FER: variants seen among roughly 807,000 people sequenced by gnomAD.
FER encodes FER tyrosine kinase, also known as tyrosine-protein kinase Fer.
In FER, 63 loss-of-function variants were observed where a neutral mutation model predicts 111.0. That is an observed-to-expected ratio of 0.57 (90% CI 0.46 to 0.70). The LOEUF (loss-of-function observed/expected upper bound fraction) is 0.70. Ranked by LOEUF, FER falls within the 30% of genes least tolerant of loss-of-function variation. The pLI is 0.00. For missense variants in FER, 914 were observed against 954.0 expected, an observed-to-expected ratio of 0.96 and a Z score of 0.55; for synonymous variants, 327 against 313.9, an observed-to-expected ratio of 1.04 and a Z score of -0.44.
At chr5:108,998,075 G>A (rs1334989038) in intron 13 of FER, among the ~76,000 whole-genome samples, 2 of 151,756 alleles carry the variant, frequency 1.3e-5, no homozygotes, top group African/African-American at 4.8e-5. Context: ...CAGGCTCCGT[G>A]GGTGTGGGAC....
chr5:108,884,342 C>G (rs183803742), intron 9 of FER, among the ~76,000 whole-genome samples: 54 of 152,116 alleles, frequency 3.5e-4, no homozygotes, highest in African/African-American at 1.2e-3. Context: ...TCTCCCTCAT[C>G]ATAGTGAGCA....
intron 17 of FER, among the ~76,000 whole-genome samples, chr5:109,116,336 T>C (rs1403141112): frequency 1.3e-5 from 2 of 151,942 alleles, no homozygotes; most frequent in African/African-American, 4.8e-5. Context: ...ATTTTATCTA[T>C]AGTCTTTGTT....
chr5:109,128,895 A>G (rs1752046577), intron 17 of FER, among the ~76,000 whole-genome samples: 1 of 152,098 alleles, frequency 6.6e-6, no homozygotes, highest in South Asian at 2.1e-4. Context: ...GAAGGATGAA[A>G]AAGAACTTTC....
chr5:109,171,682 A>G (rs1757104906), intron 17 of FER, among the ~76,000 whole-genome samples: 1 of 152,112 alleles, frequency 6.6e-6, no homozygotes. Flanking sequence ...TAGTCTCAGA[A>G]TGGGAGCGGG....
intron 13 of FER, among the ~76,000 whole-genome samples, chr5:108,974,336 T>C (rs2149705809): frequency 6.6e-6 from 1 of 152,212 alleles, no homozygotes; most frequent in South Asian, 2.1e-4. Flanking sequence ...GTGGGCTGAG[T>C]TGTGAAGAAT....
At chr5:109,036,642 C>G (rs554591463) in intron 13 of FER, among the ~76,000 whole-genome samples, 20 of 151,706 alleles carry the variant, frequency 1.3e-4, no homozygotes, top group Admixed American at 8.5e-4. Flanking sequence ...TTTTTCTTCC[C>G]TTCCTCTCTT....
At chr5:109,066,475 T>G (rs893172981) in intron 16 of FER, among the ~76,000 whole-genome samples, 1 of 152,196 alleles carries the variant, frequency 6.6e-6, no homozygotes, top group Admixed American at 6.5e-5. Context: ...AGAATCAAAT[T>G]TATACTTCTA....
chr5:109,080,782 T>C (rs1341406356), intron 16 of FER, among the ~76,000 whole-genome samples: 1 of 152,084 alleles, frequency 6.6e-6, no homozygotes, highest in African/African-American at 2.4e-5. Flanking sequence ...CTCAGATTGC[T>C]TGAATTGTAG....
At chr5:109,064,090 T>G (rs1458198268) in intron 16 of FER, among the ~76,000 whole-genome samples, 1 of 152,184 alleles carries the variant, frequency 6.6e-6, no homozygotes, top group East Asian at 1.9e-4. Context: ...CAGTGATACC[T>G]TGGATTGCTT....
intron 17 of FER, among the ~76,000 whole-genome samples, chr5:109,119,288 G>C (rs1750664408): frequency 6.6e-6 from 1 of 152,162 alleles, no homozygotes; most frequent in African/African-American, 2.4e-5. Context: ...TTCAGGAGCA[G>C]GTTGTTCAGT....
rs571821066 is a variant in FER at position 108,826,412 on chromosome 5, T to C, written c.208-6358T>C. ...GGCTTGTAATTTTTCTTTCCTTTTT[T>C]TCCAATTTATTTTTATTTTTTGTAG... On this transcript the variant is annotated intron_variant, in intron 3 of 19. Transcript: ENST00000281092. Among the ~76,000 whole-genome samples the C allele has an allele frequency of 1.1e-4, 16 of 152,250 alleles. No individual in the cohort carries two copies. In the South Asian group the frequency reaches 3.3e-3, roughly 32 times the overall value.
chr5:109,111,890 C>A (rs188251276), intron 17 of FER, among the ~76,000 whole-genome samples: 2 of 152,034 alleles, frequency 1.3e-5, no homozygotes, highest in Non-Finnish European at 2.9e-5. Context: ...GGAAACATAG[C>A]GACACCATAA....
At chr5:109,094,352 G>A (rs756703318) in intron 16 of FER, among the ~76,000 whole-genome samples, 13 of 152,030 alleles carry the variant, frequency 8.6e-5, no homozygotes, top group African/African-American at 3.1e-4. Flanking sequence ...TCCCAAATCC[G>A]AAATTCAAAA....
At chr5:109,041,885 A>G (rs1771233331) in intron 14 of FER, among the ~76,000 whole-genome samples, 1 of 152,172 alleles carries the variant, frequency 6.6e-6, no homozygotes, top group African/African-American at 2.4e-5. Flanking sequence ...ACTGTGTTCT[A>G]TCTGCAGGGC....
Position 109,151,917 on chromosome 5 carries a change from TAG to T in FER, c.2049-28827_2049-28826del, listed in dbSNP as rs559500527. Among the ~76,000 whole-genome samples, 82 of 152,272 alleles carry T rather than the reference TAG, an allele frequency of 5.4e-4. 1 individual carries two copies. The East Asian group carries it at 0.015, about 28-fold the overall frequency. ...TTAGCTCCACAAAGATGCATCTTTA[TAG>T]AGTTATGGTTTACTGTCATGCCTCC... On this transcript the variant is annotated intron_variant, in intron 17 of 19. Coordinates refer to ENST00000281092, the MANE Select transcript of FER (RefSeq NM_005246.4).
chr5:109,183,380 C>T (rs1470617236), intron 18 of FER, among the ~76,000 whole-genome samples: 1 of 151,596 alleles, frequency 6.6e-6, no homozygotes, highest in Non-Finnish European at 1.5e-5. Context: ...TCCCCAGTAG[C>T]TGGGACTACA....
intron 2 of FER, among the ~76,000 whole-genome samples, chr5:108,792,016 C>T (rs935629858): frequency 7.2e-5 from 11 of 152,126 alleles, no homozygotes; most frequent in African/African-American, 2.7e-4. Flanking sequence ...GCATTTGGCC[C>T]CTCTAGTCTA....
rs759417691 is a variant in FER, at chr5:108,787,471, G to T, written c.-59-10653G>T. 3.9e-5 allele frequency among the ~76,000 whole-genome samples: 6 copies of T among 152,160 alleles called. No individual in the cohort carries two copies. In the South Asian group the frequency reaches 1.0e-3, roughly 26 times the overall value. ...TGGTGAAACTTTACCTCAGGCCAGC[G>T]ATGGCCTGAAGCCTGGGGGCTGGGC... On this transcript the variant is annotated intron_variant, in intron 2 of 19. Coordinates refer to ENST00000281092, the MANE Select transcript of FER (RefSeq NM_005246.4).
In FER at chr5:108,924,766, A is replaced by T. The variant is rs1220191537; in HGVS notation, c.1237-21364A>T. 2.4e-6 allele frequency: 3 copies of T among 1,231,938 alleles called. No homozygotes were observed. In the Admixed American group the frequency reaches 1.3e-4, roughly 52 times the overall value. The allele number at this position is 1,231,938 out of a possible 1,614,324, so 76.3% of individuals were successfully genotyped here. ...TTTAATGTTCAGCTCTGAGCCTTCC[A>T]CATCAGAAGTCCACAGAGATCAGGT... On this transcript the variant is annotated intron_variant, in intron 10 of 19. Transcript: ENST00000281092.
Sources: allele counts gnomAD v4.1 joint callset (sites outside exome capture counted in the v4.1 genomes callset), GRCh38; gene constraint gnomAD v4.1.1; transcripts MANE v1.5; gene names NCBI Gene and HGNC (gene_info 2026-07-23, HGNC 2026-07-21).